Variants in RPTOR observed in about 807,000 individuals in gnomAD.
RPTOR encodes regulatory-associated protein of mTOR.
In RPTOR, 21 loss-of-function variants were observed where a neutral mutation model predicts 169.9. The ratio of observed to expected loss-of-function variants is 0.12; its 90% confidence interval spans 0.09 to 0.18. The LOEUF is 0.18. Ranked by LOEUF, RPTOR falls within the 10% of genes least tolerant of loss-of-function variation. The pLI is 1.00. For missense variants in RPTOR, 1,133 were observed against 1,855.9 expected, an observed-to-expected ratio of 0.61 and a Z score of 7.16; for synonymous variants, 732 against 753.2, an observed-to-expected ratio of 0.97 and a Z score of 0.46.
intron 3 of RPTOR, among the ~76,000 whole-genome samples, chr17:80,669,880 G>A (rs776074226): frequency 2.9e-4 from 44 of 151,578 alleles, no homozygotes; most frequent in East Asian, 3.9e-4. Flanking sequence ...TTCTTCAGTC[G>A]TCACTTTCAT....
At chr17:80,733,773 A>T (rs182234793) in intron 5 of RPTOR, among the ~76,000 whole-genome samples, 1 of 152,370 alleles carries the variant, frequency 6.6e-6, no homozygotes, top group Non-Finnish European at 1.5e-5. Flanking sequence ...TAGATTGAAG[A>T]GGCTGCGTCA....
At chr17:80,866,738 A>G (rs1244090942) in intron 13 of RPTOR, among the ~76,000 whole-genome samples, 1 of 152,108 alleles carries the variant, frequency 6.6e-6, no homozygotes, top group Non-Finnish European at 1.5e-5. Flanking sequence ...ATTAATCTGA[A>G]TAGCACTATG....
chr17:80,640,976 T>G (rs2065549489), intron 2 of RPTOR, among the ~76,000 whole-genome samples: 1 of 152,248 alleles, frequency 6.6e-6, no homozygotes, highest in East Asian at 1.9e-4. Context: ...GCCAGCCCTG[T>G]GCGTTTACTT....
chr17:80,852,951 C>A (rs1598353929), intron 11 of RPTOR, among the ~76,000 whole-genome samples: 1 of 152,210 alleles, frequency 6.6e-6, no homozygotes, highest in South Asian at 2.1e-4. Flanking sequence ...AAACTCATCC[C>A]AAACCTTCTT....
intron 3 of RPTOR, among the ~76,000 whole-genome samples, chr17:80,678,645 A>G: frequency 6.6e-6 from 1 of 152,240 alleles, no homozygotes; most frequent in Non-Finnish European, 1.5e-5. Flanking sequence ...AGCCAGAGCA[A>G]CGCCTGACTC....
chr17:80,782,416 A>G (rs529285929), intron 6 of RPTOR, among the ~76,000 whole-genome samples: 1 of 152,216 alleles, frequency 6.6e-6, no homozygotes, highest in South Asian at 2.1e-4. Flanking sequence ...TTTTTAAAGA[A>G]CTGAGTTTTA....
intron 3 of RPTOR, among the ~76,000 whole-genome samples, chr17:80,664,577 CTT>C (rs989989700): frequency 1.3e-5 from 2 of 152,094 alleles, no homozygotes; most frequent in Admixed American, 1.3e-4. Context: ...TCCTGCCTCT[CTT>C]TCCACCTCCT....
At chr17:80,856,991 G>T (rs1003274810) in intron 12 of RPTOR, among the ~76,000 whole-genome samples, 2 of 152,078 alleles carry the variant, frequency 1.3e-5, no homozygotes, top group African/African-American at 4.8e-5. Flanking sequence ...CCCAGGCCTA[G>T]GTCCCACCAC....
At chr17:80,631,881 A>G (rs767079394) in intron 2 of RPTOR, among the ~76,000 whole-genome samples, 1 of 152,116 alleles carries the variant, frequency 6.6e-6, no homozygotes, top group Non-Finnish European at 1.5e-5. Flanking sequence ...CGAGGCTGCA[A>G]TGAGCTATGA....
chr17:80,674,808 AAAAAAAAAAAAAAAAAAC>A (rs2065849752), intron 3 of RPTOR, among the ~76,000 whole-genome samples: 9 of 146,980 alleles, frequency 6.1e-5, no homozygotes, highest in African/African-American at 2.4e-4. Flanking sequence ...AAAAAAAAAA[AAAAAAAAAAAAAAAAAAC>A]AACTTCTCAA....
chr17:80,622,937 A>C (rs1184230443), intron 1 of RPTOR, among the ~76,000 whole-genome samples: 1 of 152,158 alleles, frequency 6.6e-6, no homozygotes, highest in Non-Finnish European at 1.5e-5. Context: ...AAAGTGATAT[A>C]ATTAATAAAT....
chr17:80,673,196 G>A (rs1395315302), intron 3 of RPTOR, among the ~76,000 whole-genome samples: 1 of 152,216 alleles, frequency 6.6e-6, no homozygotes, highest in Non-Finnish European at 1.5e-5. Context: ...GGGATTATAG[G>A]TGTGAGCCGC....
intron 5 of RPTOR, among the ~76,000 whole-genome samples, chr17:80,750,507 G>A (rs115873776): frequency 0.059 from 9,019 of 152,126 alleles, 913 homozygotes; most frequent in African/African-American, 0.21. Context: ...TCCACCAAGC[G>A]CAGGAGTCAG....
chr17:80,549,396 G>A (rs1450928409), intron 1 of RPTOR, among the ~76,000 whole-genome samples: 1 of 152,022 alleles, frequency 6.6e-6, no homozygotes, highest in Admixed American at 6.6e-5. Context: ...TGCAACCTCC[G>A]CCTCTTGGGT....
Position 80,754,251 on chromosome 17 carries a change from A to C in RPTOR, c.830+66A>C. ...GGCTCTCCCGCAGGGACCCCAACCC[A>C]TGTGGGCCCCAGGCATTCACCTGGT... On this transcript the variant is annotated intron_variant, in intron 6 of 33. Transcript: ENST00000306801. The surrounding 1 kb of genome is among the most constrained non-coding windows in gnomAD (Gnocchi z 4.2). The C allele has an allele frequency of 6.9e-7, 1 of 1,455,382 alleles. No individual in the cohort carries two copies. The highest frequency in any genetic ancestry group is 9.2e-7 in the Non-Finnish European group (1 of 1,085,616). The allele number at this position is 1,455,382 out of a possible 1,614,324, so 90.2% of individuals were successfully genotyped here.
chr17:80,686,272 C>T (rs370564658), intron 3 of RPTOR, among the ~76,000 whole-genome samples: 40 of 151,136 alleles, frequency 2.6e-4, no homozygotes, highest in African/African-American at 7.4e-4. Flanking sequence ...CTGCAAGCTC[C>T]GCCTCCTGGG....
chr17:80,801,308 G>A (rs931235851), intron 7 of RPTOR, among the ~76,000 whole-genome samples: 3 of 152,052 alleles, frequency 2.0e-5, no homozygotes, highest in Non-Finnish European at 4.4e-5. Context: ...TTCAAGGGTG[G>A]GTGCTGTTGT....
At chr17:80,770,541 C>A (rs749371799) in intron 6 of RPTOR, among the ~76,000 whole-genome samples, 1 of 152,092 alleles carries the variant, frequency 6.6e-6, no homozygotes, top group Non-Finnish European at 1.5e-5. Flanking sequence ...CGGTGGCTGT[C>A]GGATGGACAT....
chr17:80,904,762 C>G (rs959612898), intron 20 of RPTOR, among the ~76,000 whole-genome samples: 2 of 152,116 alleles, frequency 1.3e-5, no homozygotes, highest in African/African-American at 4.8e-5. Flanking sequence ...GATTTTACAA[C>G]AGGACAGTTC....
Sources: allele counts gnomAD v4.1 joint callset (sites outside exome capture counted in the v4.1 genomes callset), GRCh38; gene constraint gnomAD v4.1.1; non-coding constraint Gnocchi (gnomAD v3.1); transcripts MANE v1.5; gene names NCBI Gene and HGNC (gene_info 2026-07-23, HGNC 2026-07-21).